Variants in JUP observed in about 807,000 individuals in gnomAD.
JUP encodes junction plakoglobin, also known as catenin (cadherin-associated protein), gamma 80kDa.
A neutral mutation model predicts 71.1 loss-of-function variants in JUP; 28 were observed. The observed-to-expected ratio is 0.39, with a 90% confidence interval of 0.29 to 0.54. The LOEUF (loss-of-function observed/expected upper bound fraction) is 0.54, where lower values mean the gene tolerates loss of function less well. Among genes scored for constraint, JUP ranks in the 20% least tolerant of loss-of-function variants. JUP has a pLI of 0.62. For missense variants in JUP, 869 were observed against 1,030.1 expected, an observed-to-expected ratio of 0.84 and a Z score of 2.14; for synonymous variants, 401 against 438.9, an observed-to-expected ratio of 0.91 and a Z score of 1.08.
chr17:41,762,162 A>AGTGT (rs1914949143), intron 8 of JUP, among the ~76,000 whole-genome samples: 1 of 87,124 alleles, frequency 1.1e-5, no homozygotes, highest in African/African-American at 4.3e-5. Context: ...AGAGAGAGAG[A>AGTGT]GAGAGAGAGA....
chr17:41,774,327 ATTTC>A (rs141298785), intron 1 of JUP, among the ~76,000 whole-genome samples: 1,784 of 151,636 alleles, frequency 0.012, 26 homozygotes, highest in African/African-American at 0.041. Context: ...ATAATTTCCA[ATTTC>A]TTTCTTTCTT....
chr17:41,773,371 C>T (rs868954771), intron 1 of JUP, among the ~76,000 whole-genome samples: 1 of 152,200 alleles, frequency 6.6e-6, no homozygotes, highest in African/African-American at 2.4e-5. Context: ...GGCAGGCAGC[C>T]GTGAGCACAC....
intron 7 of JUP, 118 bp downstream of exon 7, chr17:41,764,595 C>A: frequency 1.4e-6 from 1 of 711,086 alleles, no homozygotes; most frequent in Non-Finnish European, 2.5e-6. Flanking sequence ...GCCTCAGTCA[C>A]AAGGAAGAGA....
intron 1 of JUP, chr17:41,776,023 C>A: frequency 1.0e-6 from 1 of 984,184 alleles, no homozygotes; most frequent in Non-Finnish European, 1.2e-6. Context: ...GGACAGTCAG[C>A]AATGGGCACA....
At chr17:41,765,190 T>A (rs1373330727) in intron 5 of JUP, 123 bp from the exon 6 acceptor site, 2 of 957,380 alleles carry the variant, frequency 2.1e-6, no homozygotes, top group African/African-American at 3.3e-5. Context: ...GTTCGTTTTT[T>A]TCTTTTAATG....
chr17:41,783,479 G>A (rs1169642667), intron 1 of JUP, among the ~76,000 whole-genome samples: 1 of 151,892 alleles, frequency 6.6e-6, no homozygotes, highest in African/African-American at 2.4e-5. Flanking sequence ...TGTAGAGACA[G>A]GGTTTCTCCA....
At chr17:41,768,574 AG>A (rs1555604951) in intron 4 of JUP, among the ~76,000 whole-genome samples, 3 of 151,782 alleles carry the variant, frequency 2.0e-5, no homozygotes, top group South Asian at 2.1e-4. Flanking sequence ...AAAAAAAAAA[AG>A]AAATGAGGCC....
At chr17:41,781,716 A>G (rs1555610316) in intron 1 of JUP, among the ~76,000 whole-genome samples, 1 of 152,224 alleles carries the variant, frequency 6.6e-6, no homozygotes, top group Non-Finnish European at 1.5e-5. Context: ...CCCAAAGGGC[A>G]GCAATTCCTG....
intron 13 of JUP, 34 bp from the exon 14 acceptor site, chr17:41,755,929 C>G (rs782428567): frequency 1.1e-5 from 17 of 1,588,034 alleles, no homozygotes; most frequent in Non-Finnish European, 1.4e-5. Flanking sequence ...GTCCTAGGGT[C>G]TGCAAGCTAC....
At chr17:41,774,694 T>C (rs1917171025) in intron 1 of JUP, among the ~76,000 whole-genome samples, 1 of 152,052 alleles carries the variant, frequency 6.6e-6, no homozygotes, top group Non-Finnish European at 1.5e-5. Context: ...GCAGCACTTG[T>C]GGTAGGAACA....
At chr17:41,760,841 G>T (rs545399552) in intron 8 of JUP, among the ~76,000 whole-genome samples, 46 of 152,244 alleles carry the variant, frequency 3.0e-4, no homozygotes, top group African/African-American at 1.1e-3. Flanking sequence ...GATTACAGGC[G>T]TGAGCCACTG....
intron 1 of JUP, 74 bp from the exon 2 acceptor site, chr17:41,771,936 G>T: frequency 8.1e-7 from 1 of 1,235,430 alleles, no homozygotes; most frequent in Non-Finnish European, 1.2e-6. Context: ...CCGTCACCAA[G>T]CCCCGCCTGT....
chr17:41,772,130 G>C (rs1455823066), intron 1 of JUP: 5 of 552,474 alleles, frequency 9.1e-6, no homozygotes, highest in Non-Finnish European at 1.6e-5. Context: ...CTCCCAGGGG[G>C]ATGAGCCCCA....
chr17:41,779,236 C>CA (rs782818472), intron 1 of JUP, among the ~76,000 whole-genome samples: 7,668 of 109,114 alleles, frequency 0.07, 199 homozygotes, highest in Middle Eastern at 0.11. Flanking sequence ...AACTCCGTCT[C>CA]AAAAAAAAAA....
rs782095299 is a variant in JUP at position 41,756,157 on chromosome 17, A to G, written c.2086+18T>C. 6.2e-7 allele frequency: 1 copy of G among 1,612,940 alleles called. No homozygotes were observed. The highest frequency in any genetic ancestry group is 8.5e-7 in the Non-Finnish European group (1 of 1,179,286). ...GCCCAGGATCTCCAGGGTCCTGAAGAGCCCGGCACACACTTACCATCTCCA... is the reference window on the plus strand; with the variant it reads ...GCCCAGGATCTCCAGGGTCCTGAAGGGCCCGGCACACACTTACCATCTCCA... On this transcript the variant is annotated intron_variant, in intron 13 of 13. Coordinates refer to ENST00000393931, the MANE Select transcript of JUP (RefSeq NM_002230.4).
At chr17:41,778,891 A>G (rs1314050717) in intron 1 of JUP, among the ~76,000 whole-genome samples, 36 of 151,504 alleles carry the variant, frequency 2.4e-4, no homozygotes, top group Non-Finnish European at 4.6e-4. Flanking sequence ...AGCCTGGGTG[A>G]CAGAGCGAGA....
At chr17:41,770,705 C>T (rs1322050989) in intron 2 of JUP, among the ~76,000 whole-genome samples, 1 of 152,230 alleles carries the variant, frequency 6.6e-6, no homozygotes, top group Non-Finnish European at 1.5e-5. Context: ...CCTGGCTATT[C>T]CTCTCTCCCA....
chr17:41,769,143 G>C lies in JUP; in HGVS notation c.533C>G (p.Ala178Gly), dbSNP rs781976753. The C allele has an allele frequency of 1.2e-6, 2 of 1,607,826 alleles. No individual in the cohort carries two copies. The highest frequency in any genetic ancestry group is 1.7e-6 in the Non-Finnish European group (2 of 1,179,900). The stretch of plus-strand genomic sequence containing the variant: ...CACCAGCTGGGGCGAGCCCATCAGG[G>C]CCCGCCGCGACGCCTCCTTCTTCGA... The part of the protein sequence containing the change: ...QLSKKEASRR[A>G]LMGSPQLVAA... Residue 178 changes from alanine (A) to glycine (G), a missense_variant, in exon 4 of 14, where the codon GCC (alanine) becomes GGC (glycine). Physicochemically the swap from Ala to Gly is moderately conservative, Grantham distance 60. Transcript: ENST00000393931.
chr17:41,763,082 G>T lies in JUP; in HGVS notation c.1398C>A (p.His466Gln), dbSNP rs1555602097. The change falls in exon 8 of 14, where the codon CAC becomes CAA. Residue 466 changes from histidine (H) to glutamine (Q), a missense_variant. His to Gln is a conservative substitution (Grantham distance 24). Coordinates refer to ENST00000393931, the MANE Select transcript of JUP (RefSeq NM_002230.4). ...AGTTCTGGGCCATCTCGGCCTCAGG[G>T]TGGCGGCTAGTGAGGTGGCGCAGAG... ...VCALRHLTSR[H>Q]PEAEMAQNSV... The T allele has an allele frequency of 1.2e-6, 2 of 1,614,050 alleles. No individual in the cohort carries two copies. The highest frequency in any genetic ancestry group is 2.2e-5 in the East Asian group (1 of 44,886).
Sources: allele counts gnomAD v4.1 joint callset (sites outside exome capture counted in the v4.1 genomes callset), GRCh38; gene constraint gnomAD v4.1.1; transcripts MANE v1.5; gene names NCBI Gene and HGNC (gene_info 2026-07-23, HGNC 2026-07-21).